Variants in MADCAM1 observed in about 807,000 individuals in gnomAD.
The protein encoded by MADCAM1 is mucosal vascular addressin cell adhesion molecule 1, also known as mucosal addressin cell adhesion molecule 1.
Under a neutral mutation model 26.1 loss-of-function variants are expected in MADCAM1, and 19 were observed. The observed-to-expected ratio is 0.73, with a 90% confidence interval of 0.51 to 1.07. MADCAM1 has a LOEUF of 1.07. MADCAM1 is among the 50% of genes least tolerant of loss of function. MADCAM1 has a pLI of 0.00. For synonymous variants in MADCAM1, 268 were observed against 260.9 expected (o/e 1.03, Z -0.26); for missense variants, 514 against 542.1 (o/e 0.95, Z 0.51).
At chr19:499,844 C>T (rs555492101) in intron 3 of MADCAM1, 24 of 456,274 alleles carry the variant, frequency 5.3e-5, no homozygotes, top group Middle Eastern at 6.5e-4. Flanking sequence ...TCCCGAAGCC[C>T]CTGCCGGCTT....
intron 3 of MADCAM1, chr19:501,416 C>T (rs1351416538): frequency 2.7e-5 from 9 of 331,366 alleles, no homozygotes; most frequent in East Asian, 1.9e-4. Context: ...ACCTGAGGAG[C>T]GGAGGTTGTG....
rs1978368617 is a variant in MADCAM1, at chr19:501,948, G to A, written c.928+19G>A. ...ACAGGCTGTGAGTTCTGGTCCCTGGGGGCAGGGAGGGTGGGAAGGGCTGAG... is the reference window on the plus strand; with the variant it reads ...ACAGGCTGTGAGTTCTGGTCCCTGGAGGCAGGGAGGGTGGGAAGGGCTGAG... On this transcript the variant is annotated intron_variant, in intron 4 of 4. Coordinates refer to ENST00000215637, the MANE Select transcript of MADCAM1 (RefSeq NM_130760.3). 1 of 1,474,134 alleles carries A rather than the reference G, an allele frequency of 6.8e-7. No homozygotes were observed. Among genetic ancestry groups the A allele is most frequent in the East Asian group, 2.4e-5 (1 of 41,276 alleles). The allele number at this position is 1,474,134 out of a possible 1,614,324, so 91.3% of individuals were successfully genotyped here. A position where few individuals can be genotyped will look rare whatever the true frequency, so the allele number is the denominator to read the frequency against.
intron 4 of MADCAM1, among the ~76,000 whole-genome samples, chr19:504,096 AAT>A (rs1978494459): frequency 6.6e-6 from 1 of 151,618 alleles, no homozygotes; most frequent in Non-Finnish European, 1.5e-5. Flanking sequence ...CGCAGAGCCC[AAT>A]ATATCCCAAG....
At position 501,818 on chromosome 19, in the gene MADCAM1, GC is replaced by G; in HGVS notation, c.823del (p.Gln275SerfsTer31). The G allele has an allele frequency of 8.2e-7, 1 of 1,222,716 alleles. No homozygotes were observed. The highest frequency in any genetic ancestry group is 1.0e-6 in the Non-Finnish European group (1 of 967,184). 75.7% of individuals were successfully genotyped at this position (1,222,716 alleles called of 1,614,324 possible). A position where few individuals can be genotyped will look rare whatever the true frequency, so the allele number is the denominator to read the frequency against. ...EPPDKTSPEP[A>X]PQQGSTHTPR... ...TCCCGACAAGACCTCCCCGGAGCCCGCCCCCCAGCAGGGCTCCACACACACC... is the reference window on the plus strand; with the variant it reads ...TCCCGACAAGACCTCCCCGGAGCCCGCCCCCAGCAGGGCTCCACACACACC... On this transcript the variant is annotated frameshift_variant, in exon 4 of 5. Coordinates refer to ENST00000215637, the MANE Select transcript of MADCAM1 (RefSeq NM_130760.3). LOFTEE classifies it high-confidence loss of function.
chr19:499,572 G>A (rs913220409), intron 3 of MADCAM1, among the ~76,000 whole-genome samples: 1 of 152,224 alleles, frequency 6.6e-6, no homozygotes, highest in Admixed American at 6.5e-5. Flanking sequence ...ACACGCGTGT[G>A]AGCCCCCTTT....
chr19:505,024 T>C lies in MADCAM1; in HGVS notation c.*59T>C, dbSNP rs576214537. The C allele has an allele frequency of 4.6e-6, 6 of 1,308,618 alleles. 1 individual carries two copies. Among genetic ancestry groups the C allele is most frequent in the Middle Eastern group, 3.8e-4 (2 of 5,302 alleles). The allele number at this position is 1,308,618 out of a possible 1,614,324, so 81.1% of individuals were successfully genotyped here. ...GCTTGGACCCCTTCAAGTTGAGAAC[T>C]GGTCAGGGCAAACCTGCCTCCCATT... On this transcript the variant is annotated 3_prime_UTR_variant, in exon 5 of 5. Coordinates refer to ENST00000215637, the MANE Select transcript of MADCAM1 (RefSeq NM_130760.3).
At chr19:504,593 G>C in intron 4 of MADCAM1, 152 bp from the exon 5 acceptor site, 1 of 614,432 alleles carries the variant, frequency 1.6e-6, no homozygotes, top group African/African-American at 1.8e-5. Flanking sequence ...GGTGCTATGC[G>C]CATTTCAAAA....
Position 497,906 on chromosome 19 carries a change from G to T in MADCAM1, c.126G>T (p.Ser42=). The change falls in exon 2 of 5, where the codon TCG becomes TCT. Residue 42 remains serine, a synonymous_variant. Coordinates refer to ENST00000215637, the MANE Select transcript of MADCAM1 (RefSeq NM_130760.3). ...TGGTGGCCGTGGCCTTGGGCGCCTC[G>T]CGCCAGCTCACCTGCCGCCTGGCCT... ...EPVVAVALGA[S]RQLTCRLACA... 7.3e-7 allele frequency: 1 copy of T among 1,371,922 alleles called. No individual in the cohort carries two copies. The highest frequency in any genetic ancestry group is 9.3e-7 in the Non-Finnish European group (1 of 1,070,066). The allele number at this position is 1,371,922 out of a possible 1,614,324, so 85.0% of individuals were successfully genotyped here.
chr19:503,363 C>T lies in MADCAM1; in HGVS notation c.929-1382C>T, dbSNP rs563823924. 1.2e-3 allele frequency among the ~76,000 whole-genome samples: 180 copies of T among 150,892 alleles called. 1 individual carries two copies. The highest frequency in any genetic ancestry group is 2.0e-3 in the African/African-American group (82 of 41,126). ...TTGGGAGGCCAAGGCGGGCGGATCA[C>T]GAGGTCAGGAGATCGAGACCATCCT... On this transcript the variant is annotated intron_variant, in intron 4 of 4. Coordinates refer to ENST00000215637, the MANE Select transcript of MADCAM1 (RefSeq NM_130760.3).
Position 501,937 on chromosome 19 carries a change from C to A in MADCAM1, c.928+8C>A. On this transcript the variant is annotated splice_region_variant and intron_variant, in intron 4 of 4. Transcript: ENST00000215637. Reference sequence around the variant, plus strand: ...AAGTGATCCCAACAGGCTGTGAGTTCTGGTCCCTGGGGGCAGGGAGGGTGG... The same window carrying A: ...AAGTGATCCCAACAGGCTGTGAGTTATGGTCCCTGGGGGCAGGGAGGGTGG... 1 of 989,708 alleles carries A rather than the reference C, an allele frequency of 1.0e-6. No homozygotes were observed. Among genetic ancestry groups the A allele is most frequent in the Non-Finnish European group, 1.4e-6 (1 of 701,746 alleles). The allele number at this position is 989,708 out of a possible 1,614,324, so 61.3% of individuals were successfully genotyped here. A position where few individuals can be genotyped will look rare whatever the true frequency, so the allele number is the denominator to read the frequency against.
In MADCAM1 at chr19:501,800, A is replaced by ACC. The variant is rs1419142385; in HGVS notation, c.799_800insCC (p.Lys267ThrfsTer40). The ACC allele has an allele frequency of 6.4e-7, 1 of 1,557,240 alleles. No individual in the cohort carries two copies. ...CACCACCTCCCCGGAGCCTCCCGAC[A>ACC]AGACCTCCCCGGAGCCCGCCCCCCA... On this transcript the variant is annotated frameshift_variant, in exon 4 of 5. Coordinates refer to ENST00000215637, the MANE Select transcript of MADCAM1 (RefSeq NM_130760.3). LOFTEE classifies it high-confidence loss of function.
In MADCAM1 at chr19:498,652, GC is replaced by G. The variant is rs1978298778; in HGVS notation, c.497del (p.Pro166ArgfsTer20). On this transcript the variant is annotated frameshift_variant, in exon 3 of 5. Coordinates refer to ENST00000215637, the MANE Select transcript of MADCAM1 (RefSeq NM_130760.3). LOFTEE classifies it high-confidence loss of function. ...GQELEGAQAL[G>X]PEVQEEEEEP... ...GAACTGGAGGGGGCGCAAGCCCTGG[GC>G]CCGGAGGTGCAGGAGGAGGAGGAGG... The G allele has an allele frequency of 6.8e-7, 1 of 1,461,190 alleles. No individual in the cohort carries two copies. Among genetic ancestry groups the G allele is most frequent in the Non-Finnish European group, 9.0e-7 (1 of 1,111,804 alleles). 90.5% of individuals were successfully genotyped at this position (1,461,190 alleles called of 1,614,324 possible). A position where few individuals can be genotyped will look rare whatever the true frequency, so the allele number is the denominator to read the frequency against.
intron 3 of MADCAM1, 117 bp from the exon 4 acceptor site, chr19:501,552 A>T: frequency 1.2e-6 from 1 of 822,928 alleles, no homozygotes; most frequent in Non-Finnish European, 1.8e-6. Flanking sequence ...AGAGTGGTCC[A>T]GGGAAGGGGC....
intron 1 of MADCAM1, among the ~76,000 whole-genome samples, chr19:497,184 CGCAGGAGAGAGCAGGGGGCGCAG>C (rs1976593558): frequency 4.8e-5 from 1 of 20,822 alleles, no homozygotes; most frequent in African/African-American, 2.5e-4. Context: ...GGGGAGGGGG[CGCAGGAGAGAGCAGGGGGCGCAG>C]TAAAGTGAAG....
rs755461075 is a variant in MADCAM1, at chr19:501,805, C to T, written c.804C>T (p.Thr268=). 1.3e-5 allele frequency: 21 copies of T among 1,563,848 alleles called. No homozygotes were observed. The highest frequency in any genetic ancestry group is 1.8e-5 in the Non-Finnish European group (21 of 1,154,978). The change falls in exon 4 of 5, where the codon ACC becomes ACT. Residue 268 remains threonine, a synonymous_variant. Coordinates refer to ENST00000215637, the MANE Select transcript of MADCAM1 (RefSeq NM_130760.3). ...DTTSPEPPDK[T]SPEPAPQQGS... is the part of the protein sequence containing the mutation. ...CCTCCCCGGAGCCTCCCGACAAGAC[C>T]TCCCCGGAGCCCGCCCCCCAGCAGG...
chr19:502,567 G>T (rs1978397689), intron 4 of MADCAM1, among the ~76,000 whole-genome samples: 1 of 152,136 alleles, frequency 6.6e-6, no homozygotes. Flanking sequence ...CTCCCAAAGT[G>T]CTGGGATTAC....
In MADCAM1 at chr19:499,659, T is replaced by A. The variant is rs896021794; in HGVS notation, c.667+834T>A. On this transcript the variant is annotated intron_variant, in intron 3 of 4. Coordinates refer to ENST00000215637, the MANE Select transcript of MADCAM1 (RefSeq NM_130760.3). ...CCCGTACATTCTCTTTTCCATGACC[T>A]TCTCCCACTGTGGCTCCCCAGGTGG... is the stretch of plus-strand genomic sequence containing the variant. Among the ~76,000 whole-genome samples, 65 of 152,224 alleles carry A rather than the reference T, an allele frequency of 4.3e-4. 6 individuals are homozygous for A. Among genetic ancestry groups the A allele is most frequent in the Non-Finnish European group, 1.5e-5 (1 of 68,032 alleles).
chr19:497,839 C>G lies in MADCAM1; in HGVS notation c.59C>G (p.Ser20Cys). 1 of 1,305,934 alleles carries G rather than the reference C, an allele frequency of 7.7e-7. No homozygotes were observed. Among genetic ancestry groups the G allele is most frequent in the Non-Finnish European group, 9.7e-7 (1 of 1,032,642 alleles). The allele number at this position is 1,305,934 out of a possible 1,614,324, so 80.9% of individuals were successfully genotyped here. A position where few individuals can be genotyped will look rare whatever the true frequency, so the allele number is the denominator to read the frequency against. Reference sequence around the variant, plus strand: ...AGAGCCGCGGTCGCCGCAGGCCAGTCCCTCCAGGTGAAGCCCCTGCAGGTG... The same window carrying G: ...AGAGCCGCGGTCGCCGCAGGCCAGTGCCTCCAGGTGAAGCCCCTGCAGGTG... ...AGLLGLLLGQ[S>C]LQVKPLQVEP... The change falls in exon 2 of 5, where the codon TCC becomes TGC. Residue 20 changes from serine (S) to cysteine (C), a missense_variant. Ser to Cys is a moderately radical substitution (Grantham distance 112). Coordinates refer to ENST00000215637, the MANE Select transcript of MADCAM1 (RefSeq NM_130760.3).
chr19:500,188 A>C (rs1479341499), intron 3 of MADCAM1: 1 of 456,164 alleles, frequency 2.2e-6, no homozygotes, highest in African/African-American at 2.0e-5. Context: ...CCATCATAAT[A>C]AACGCGGGAC....
Sources: allele counts gnomAD v4.1 joint callset (sites outside exome capture counted in the v4.1 genomes callset), GRCh38; gene constraint gnomAD v4.1.1; transcripts MANE v1.5; gene names NCBI Gene and HGNC (gene_info 2026-07-23, HGNC 2026-07-21).